Variants in ATP8B4 observed in about 807,000 individuals in gnomAD.
ATP8B4 encodes probable phospholipid-transporting ATPase IM.
Under a neutral mutation model 145.6 loss-of-function variants are expected in ATP8B4, and 133 were observed. The ratio of observed to expected loss-of-function variants is 0.91; its 90% CI spans 0.79 to 1.05. The LOEUF (loss-of-function observed/expected upper bound fraction) is 1.05. ATP8B4 is among the 50% of genes least tolerant of loss of function. The probability of loss-of-function intolerance (pLI) is 0.00; values close to 1 mark genes in which losing one functional copy is unlikely to be tolerated. For synonymous variants in ATP8B4, 507 were observed against 492.9 expected (o/e 1.03, Z -0.38); for missense variants, 1,458 against 1,425.2 (o/e 1.02, Z -0.37).
intron 26 of ATP8B4, 97 bp downstream of exon 26, chr15:49,866,248 AC>A: frequency 6.9e-7 from 1 of 1,455,264 alleles, no homozygotes; most frequent in Non-Finnish European, 9.2e-7. Flanking sequence ...ACAAAGGATC[AC>A]TAATCATCCC....
chr15:49,934,044 T>C lies in ATP8B4; in HGVS notation c.1426A>G (p.Thr476Ala), dbSNP rs1038532979. Residue 476 changes from threonine (T) to alanine (A), a missense_variant, in exon 15 of 28, where the codon ACT (threonine) becomes GCT (alanine). Transcript: ENST00000284509. ...EFLRLLALCH[T>A]VMSEENSAGE... ...GCGCTATTCTCTTCTGACATTACAG[T>C]GTGGCAGAGAGCAAGTAACCTAAGG... 2 of 1,612,136 alleles carry C rather than the reference T, an allele frequency of 1.2e-6. No homozygotes were observed. Among genetic ancestry groups the C allele is most frequent in the Non-Finnish European group, 1.7e-6 (2 of 1,178,948 alleles).
At chr15:50,148,518 T>C (rs1042564412) in intron 1 of ATP8B4, among the ~76,000 whole-genome samples, 6 of 152,208 alleles carry the variant, frequency 3.9e-5, no homozygotes, top group Admixed American at 3.3e-4. Context: ...AGAGGCTTCA[T>C]GCAGTATGCA....
chr15:49,869,722 C>T (rs945909857), intron 25 of ATP8B4, among the ~76,000 whole-genome samples: 14 of 152,246 alleles, frequency 9.2e-5, no homozygotes, highest in African/African-American at 2.6e-4. Flanking sequence ...AAGTCTATGG[C>T]GAACCTTTTG....
intron 6 of ATP8B4, among the ~76,000 whole-genome samples, chr15:50,020,072 A>T (rs898930966): frequency 2.0e-5 from 3 of 151,674 alleles, no homozygotes; most frequent in African/African-American, 7.3e-5. Flanking sequence ...CTCCCTCCTC[A>T]GCCTCCTGAG....
chr15:49,926,335 C>T (rs531713997), intron 16 of ATP8B4, among the ~76,000 whole-genome samples: 1 of 152,232 alleles, frequency 6.6e-6, no homozygotes, highest in African/African-American at 2.4e-5. Context: ...GAAATCTAGG[C>T]ATCACTCACA....
intron 2 of ATP8B4, among the ~76,000 whole-genome samples, chr15:50,095,548 G>A (rs1404961286): frequency 6.6e-6 from 1 of 152,094 alleles, no homozygotes; most frequent in Admixed American, 6.6e-5. Context: ...CTTCAGGCCA[G>A]GCCTTCAAGA....
chr15:49,871,705 T>C (rs2153386097), intron 25 of ATP8B4, among the ~76,000 whole-genome samples: 1 of 152,348 alleles, frequency 6.6e-6, no homozygotes, highest in East Asian at 1.9e-4. Flanking sequence ...TCTTTAGCCC[T>C]GTGGTTTCCG....
At chr15:49,923,312 A>T in intron 17 of ATP8B4, 67 bp downstream of exon 17, 2 of 1,117,174 alleles carry the variant, frequency 1.8e-6, no homozygotes, top group East Asian at 2.5e-5. Flanking sequence ...TATTTTTTTT[A>T]AACAAGACCT....
intron 1 of ATP8B4, among the ~76,000 whole-genome samples, chr15:50,136,163 A>G (rs1038424668): frequency 6.6e-6 from 1 of 152,298 alleles, no homozygotes; most frequent in East Asian, 1.9e-4. Flanking sequence ...CTCTTAGCCC[A>G]GGATTTATGA....
intron 3 of ATP8B4, among the ~76,000 whole-genome samples, chr15:50,048,779 G>C (rs1441275919): frequency 6.6e-6 from 1 of 151,846 alleles, no homozygotes; most frequent in Non-Finnish European, 1.5e-5. Flanking sequence ...GTACAGATTA[G>C]GACACACAAG....
intron 23 of ATP8B4, among the ~76,000 whole-genome samples, chr15:49,889,141 T>C (rs896549518): frequency 3.3e-5 from 5 of 152,112 alleles, no homozygotes; most frequent in Non-Finnish European, 5.9e-5. Context: ...CCATTAGCTT[T>C]TCCAAATTTA....
rs2036417177 is a variant in ATP8B4, at chr15:49,888,179, G to C, written c.2698-8720C>G. 2.0e-5 allele frequency among the ~76,000 whole-genome samples: 3 copies of C among 152,298 alleles called. No individual in the cohort carries two copies. In the South Asian group the frequency reaches 6.2e-4, roughly 32 times the overall value. ...GCAGCATCCAGGAGGAGTGACCCAGGCCTGAGCACTCGTCCAGTCCTGGAC... is the reference window on the plus strand; with the variant it reads ...GCAGCATCCAGGAGGAGTGACCCAGCCCTGAGCACTCGTCCAGTCCTGGAC... On this transcript the variant is annotated intron_variant, in intron 23 of 27. Coordinates refer to ENST00000284509, the MANE Select transcript of ATP8B4 (RefSeq NM_024837.4).
chr15:49,896,106 C>T (rs2037366737), intron 23 of ATP8B4: 1 of 152,138 alleles, frequency 6.6e-6, no homozygotes, highest in Non-Finnish European at 1.5e-5. Context: ...CAAATAACCC[C>T]AGCCCCACGC....
chr15:50,075,546 T>C (rs942595230), intron 2 of ATP8B4, among the ~76,000 whole-genome samples: 1 of 152,190 alleles, frequency 6.6e-6, no homozygotes, highest in African/African-American at 2.4e-5. Flanking sequence ...GCCTATCTAA[T>C]AAAGCCAGGT....
chr15:50,156,695 C>T (rs573126549), intron 1 of ATP8B4, among the ~76,000 whole-genome samples: 1 of 152,142 alleles, frequency 6.6e-6, no homozygotes, highest in Non-Finnish European at 1.5e-5. Flanking sequence ...TTCCTTGATG[C>T]AATTTGCACA....
At chr15:49,968,362 C>T (rs777465403) in intron 13 of ATP8B4, among the ~76,000 whole-genome samples, 7 of 152,184 alleles carry the variant, frequency 4.6e-5, no homozygotes, top group Non-Finnish European at 1.0e-4. Flanking sequence ...CACTGGTGTG[C>T]TGTATTCAGG....
Position 49,881,989 on chromosome 15 carries a change from G to A in ATP8B4, c.2698-2530C>T, listed in dbSNP as rs768605654. 1.1e-4 allele frequency among the ~76,000 whole-genome samples: 17 copies of A among 152,132 alleles called. 1 individual carries two copies. The highest frequency in any genetic ancestry group is 6.5e-5 in the Admixed American group (1 of 15,284). Reference sequence around the variant, plus strand: ...TGTTTATTTCCTTCTATCAGCTGTCGAGGACAGAACGAAGGCCTGATATTT... The same window carrying A: ...TGTTTATTTCCTTCTATCAGCTGTCAAGGACAGAACGAAGGCCTGATATTT... On this transcript the variant is annotated intron_variant, in intron 23 of 27. Transcript: ENST00000284509.
intron 14 of ATP8B4, among the ~76,000 whole-genome samples, chr15:49,938,777 T>C (rs1280171716): frequency 6.6e-6 from 1 of 152,024 alleles, no homozygotes; most frequent in Non-Finnish European, 1.5e-5. Context: ...ATCTACATAA[T>C]ACTCTACCCA....
chr15:50,103,751 C>T (rs992488056), intron 2 of ATP8B4, among the ~76,000 whole-genome samples: 2 of 152,040 alleles, frequency 1.3e-5, no homozygotes, highest in Non-Finnish European at 1.5e-5. Flanking sequence ...TCATGTGGAA[C>T]CAAAAAGAGC....
Sources: gnomAD v4.1 joint callset for allele counts (sites outside exome capture counted in the v4.1 genomes callset) on GRCh38, gnomAD v4.1.1 for gene constraint, MANE v1.5 for transcripts, NCBI Gene and HGNC (gene_info 2026-07-23, HGNC 2026-07-21) for gene names.